Variants in DPP10 observed in about 807,000 individuals in gnomAD.
DPP10 encodes dipeptidyl peptidase like 10.
A neutral mutation model predicts 120.9 loss-of-function variants in DPP10; 33 were observed. The observed-to-expected ratio is 0.27, with a 90% CI of 0.21 to 0.37. The LOEUF (loss-of-function observed/expected upper bound fraction) is 0.37. Among genes scored for constraint, DPP10 ranks in the 10% least tolerant of loss-of-function variants. DPP10 has a pLI of 1.00. For missense variants in DPP10, 816 were observed against 942.8 expected (o/e 0.87, Z 1.76); for synonymous variants, 337 against 326.1 (o/e 1.03, Z -0.36).
At chr2:115,200,491 A>G (rs1156447107) in intron 1 of DPP10, among the ~76,000 whole-genome samples, 2 of 152,252 alleles carry the variant, frequency 1.3e-5, no homozygotes, top group Non-Finnish European at 2.9e-5. Context: ...CCGTTCAGGA[A>G]AACTCTGGTA....
chr2:115,552,561 G>A (rs938471441), intron 5 of DPP10, among the ~76,000 whole-genome samples: 2 of 152,064 alleles, frequency 1.3e-5, no homozygotes, highest in Non-Finnish European at 2.9e-5. Context: ...ACCTTGGCAT[G>A]TGATAGGTAT....
chr2:114,677,273 A>G (rs555030188), intron 1 of DPP10, among the ~76,000 whole-genome samples: 4 of 152,294 alleles, frequency 2.6e-5, no homozygotes. Context: ...GCACACAAGA[A>G]AAATCCACAG....
chr2:114,724,966 T>C lies in DPP10; in HGVS notation c.60+282128T>C, dbSNP rs1423085610. On this transcript the variant is annotated intron_variant, in intron 1 of 25. Transcript: ENST00000410059. ...GAATTCTGCGCCCATAGATAATATTTATTTTCTTAACCTTGGGGTCTGTCT... is the reference window on the plus strand; with the variant it reads ...GAATTCTGCGCCCATAGATAATATTCATTTTCTTAACCTTGGGGTCTGTCT... Among the ~76,000 whole-genome samples the C allele has an allele frequency of 2.0e-5, 3 of 152,180 alleles. No individual in the cohort carries two copies. The East Asian group carries it at 5.8e-4, about 29-fold the overall frequency.
chr2:115,135,732 A>G (rs1317769049), intron 1 of DPP10, among the ~76,000 whole-genome samples: 1 of 152,152 alleles, frequency 6.6e-6, no homozygotes, highest in Non-Finnish European at 1.5e-5. Flanking sequence ...TTGGCCCAGG[A>G]GATAATTTCT....
At chr2:115,634,002 TA>T (rs1486095275) in intron 5 of DPP10, among the ~76,000 whole-genome samples, 1 of 152,170 alleles carries the variant, frequency 6.6e-6, no homozygotes, top group African/African-American at 2.4e-5. Context: ...TTTTTTTTCC[TA>T]ATCTTCTCTT....
chr2:115,080,473 A>C (rs1021634115), intron 1 of DPP10, among the ~76,000 whole-genome samples: 3 of 152,172 alleles, frequency 2.0e-5, no homozygotes, highest in African/African-American at 7.2e-5. Context: ...TGGCCCCTGG[A>C]CTACACCTAG....
intron 11 of DPP10, among the ~76,000 whole-genome samples, chr2:115,760,631 C>T (rs183861992): frequency 6.6e-6 from 1 of 152,112 alleles, no homozygotes; most frequent in African/African-American, 2.4e-5. Context: ...TGAGCATAGT[C>T]GTGGAAATGA....
chr2:115,792,583 T>C (rs887386536), intron 19 of DPP10, among the ~76,000 whole-genome samples: 1 of 152,282 alleles, frequency 6.6e-6, no homozygotes, highest in Non-Finnish European at 1.5e-5. Flanking sequence ...GTTCTTAATG[T>C]CTCCTTGAGG....
intron 1 of DPP10, among the ~76,000 whole-genome samples, chr2:114,751,084 C>T (rs917798745): frequency 2.6e-5 from 4 of 152,046 alleles, no homozygotes; most frequent in Admixed American, 6.6e-5. Context: ...CCTTGGAGAC[C>T]AAGATAGGGA....
chr2:115,177,998 C>T (rs976706721), intron 1 of DPP10, among the ~76,000 whole-genome samples: 119 of 152,238 alleles, frequency 7.8e-4, no homozygotes, highest in Non-Finnish European at 1.4e-3. Context: ...CTCCTGACCT[C>T]GTGATCCACC....
At chr2:115,605,808 T>A (rs1468501351) in intron 5 of DPP10, among the ~76,000 whole-genome samples, 1 of 152,100 alleles carries the variant, frequency 6.6e-6, no homozygotes, top group Non-Finnish European at 1.5e-5. Flanking sequence ...AGAGGATCAT[T>A]TTCTCTATCA....
chr2:114,788,141 A>G (rs781471488), intron 1 of DPP10, among the ~76,000 whole-genome samples: 6 of 152,148 alleles, frequency 3.9e-5, no homozygotes, highest in Admixed American at 6.5e-5. Flanking sequence ...CTGATATTCT[A>G]TTATTTTGCA....
chr2:115,401,226 A>G (rs931447364), intron 3 of DPP10, among the ~76,000 whole-genome samples: 6 of 152,162 alleles, frequency 3.9e-5, no homozygotes, highest in Admixed American at 6.5e-5. Flanking sequence ...GTGGGTAGAC[A>G]CCTTATGGAA....
intron 1 of DPP10, among the ~76,000 whole-genome samples, chr2:114,751,948 G>A (rs1679268468): frequency 1.3e-5 from 2 of 152,306 alleles, no homozygotes; most frequent in South Asian, 2.1e-4. Context: ...CTGGCATGGG[G>A]CCTAAGACAT....
chr2:115,216,109 C>T (rs891799638), intron 1 of DPP10, among the ~76,000 whole-genome samples: 2 of 152,026 alleles, frequency 1.3e-5, no homozygotes, highest in African/African-American at 2.4e-5. Context: ...AATGTGTACA[C>T]ATGGACAGAA....
At chr2:115,807,423 A>G (rs1686117603) in intron 19 of DPP10, among the ~76,000 whole-genome samples, 1 of 152,162 alleles carries the variant, frequency 6.6e-6, no homozygotes, top group Admixed American at 6.5e-5. Context: ...TATGCTGTTC[A>G]GTGTTTCAAC....
At chr2:114,837,309 T>G (rs2106433574) in intron 1 of DPP10, among the ~76,000 whole-genome samples, 1 of 152,304 alleles carries the variant, frequency 6.6e-6, no homozygotes, top group Non-Finnish European at 1.5e-5. Context: ...CACGTTCTTC[T>G]GCCATGTCTT....
rs1358599045 is a variant in DPP10, at chr2:115,815,005, T to G, written c.1895+18T>G. 2 of 1,569,862 alleles carry G rather than the reference T, an allele frequency of 1.3e-6. No homozygotes were observed. The highest frequency in any genetic ancestry group is 2.3e-5 in the South Asian group (2 of 85,396). On this transcript the variant is annotated intron_variant, in intron 20 of 25. Coordinates refer to ENST00000410059, the MANE Select transcript of DPP10 (RefSeq NM_020868.6). ...GCTGTGAAGTAAGTGGATGCACATT[T>G]TTCTTCTCTGTTTTCTATAATGACA...
intron 19 of DPP10, among the ~76,000 whole-genome samples, chr2:115,796,431 T>C (rs1050093205): frequency 6.6e-6 from 1 of 152,144 alleles, no homozygotes; most frequent in Non-Finnish European, 1.5e-5. Context: ...AATGAATATA[T>C]GAATACATCA....
Sources: allele counts gnomAD v4.1 joint callset (sites outside exome capture counted in the v4.1 genomes callset), GRCh38; gene constraint gnomAD v4.1.1; transcripts MANE v1.5; gene names NCBI Gene and HGNC (gene_info 2026-07-23, HGNC 2026-07-21).